The following ACADVL variants were observed in gnomAD, a reference collection of about 807,000 sequenced individuals.
ACADVL encodes the protein very long-chain acyl-CoA dehydrogenase, mitochondrial.
A neutral mutation model predicts 80.4 loss-of-function variants in ACADVL; 73 were observed. The observed-to-expected ratio is 0.91, with a 90% CI of 0.75 to 1.10. ACADVL has a LOEUF of 1.10. Among genes scored for constraint, ACADVL ranks in the 50% least tolerant of loss-of-function variants. ACADVL has a pLI of 0.00. For missense variants in ACADVL, 878 were observed against 858.9 expected (o/e 1.02, Z -0.28); for synonymous variants, 392 against 326.5 (o/e 1.20, Z -2.16).
In ACADVL at chr17:7,220,492, CCTCTGACG is replaced by C. The variant is rs1354996048; in HGVS notation, c.175_182del (p.Ala59GlnfsTer10). On this transcript the variant is annotated frameshift_variant, in exon 3 of 20. Transcript: ENST00000356839. LOFTEE classifies it high-confidence loss of function. ...GCTCTGGACAAGTCAGATTCCCACCCCTCTGACGCTCTGACCAGGAAAAAACCGGCCAA... is the reference window on the plus strand; with the variant it reads ...GCTCTGGACAAGTCAGATTCCCACCCCTCTGACCAGGAAAAAACCGGCCAA... The C allele has an allele frequency of 2.5e-6, 4 of 1,614,232 alleles. No individual in the cohort carries two copies. The highest frequency in any genetic ancestry group is 1.7e-5 in the Admixed American group (1 of 60,036).
chr17:7,218,919 T>G, upstream of ACADVL: 1 of 1,564,842 alleles, frequency 6.4e-7, no homozygotes, highest in Admixed American at 1.7e-5. Flanking sequence ...CCCCACTAAA[T>G]TCCAGCTGTG....
Position 7,223,840 on chromosome 17 carries a change from T to C in ACADVL, c.1297T>C (p.Cys433Arg), listed in dbSNP as rs886053374. 1.2e-6 allele frequency: 2 copies of C among 1,614,118 alleles called. No homozygotes were observed. Among genetic ancestry groups the C allele is most frequent in the Non-Finnish European group, 8.5e-7 (1 of 1,180,032 alleles). The change falls in exon 13 of 20, where the codon TGC becomes CGC. Residue 433 changes from cysteine to arginine, a missense_variant. Coordinates refer to ENST00000356839, the MANE Select transcript of ACADVL (RefSeq NM_000018.4). ...GGCAGCCTGGAAGGTGACAGATGAATGCATCCAAATCATGGGGGGTATGGG... is the reference window on the plus strand; with the variant it reads ...GGCAGCCTGGAAGGTGACAGATGAACGCATCCAAATCATGGGGGGTATGGG... The part of the protein sequence containing the change: ...SEAAWKVTDE[C>R]IQIMGGMGFM...
upstream of ACADVL, chr17:7,218,774 C>G: frequency 6.2e-7 from 1 of 1,606,460 alleles, no homozygotes; most frequent in South Asian, 1.1e-5. Context: ...GATCTCCGAG[C>G]CCCAGCCCCC....
At chr17:7,221,902 G>A (rs533531053) in intron 7 of ACADVL, 50 bp from the exon 8 acceptor site, 13 of 1,613,710 alleles carry the variant, frequency 8.1e-6, no homozygotes, top group African/African-American at 6.7e-5. Flanking sequence ...GGGCCGAGGG[G>A]ACTTTGAAGC....
rs375093681 is a variant in ACADVL, at chr17:7,220,968, G to A, written c.387G>A (p.Glu129=). The part of the protein sequence containing the change: ...PAKNDALEMV[E]ETTWQGLKEL... ...AGAATGACGCTCTGGAGATGGTGGA[G>A]GAGACCACTTGGCAGGGCCTCAAGG... Residue 129 remains glutamate, a synonymous_variant, in exon 6 of 20, where the codon GAG becomes GAA. Transcript: ENST00000356839. 4 of 1,614,136 alleles carry A rather than the reference G, an allele frequency of 2.5e-6. No homozygotes were observed. Among genetic ancestry groups the A allele is most frequent in the Non-Finnish European group, 2.5e-6 (3 of 1,180,036 alleles).
chr17:7,223,132 G>C lies in ACADVL; in HGVS notation c.1078-1G>C. 6.2e-7 allele frequency: 1 copy of C among 1,612,082 alleles called. No individual in the cohort carries two copies. Among genetic ancestry groups the C allele is most frequent in the Middle Eastern group, 1.7e-4 (1 of 6,018 alleles). ...AGCGGGATGTGTGGACCCTCTTCCA[G>C]GTAGATCATGCCACTAATCGTACCC... On this transcript the variant is annotated splice_acceptor_variant, in intron 10 of 19. Coordinates refer to ENST00000356839, the MANE Select transcript of ACADVL (RefSeq NM_000018.4). LOFTEE classifies it high-confidence loss of function.
chr17:7,224,544 G>A lies in ACADVL; in HGVS notation c.1670G>A (p.Gly557Glu), dbSNP rs773842959. The A allele has an allele frequency of 1.9e-6, 3 of 1,611,892 alleles. 1 individual carries two copies. Among genetic ancestry groups the A allele is most frequent in the Non-Finnish European group, 2.5e-6 (3 of 1,179,962 alleles). ...VEAKLIKHKK[G>E]IVNEQFLLQR... Reference sequence around the variant, plus strand: ...GCCAAGCTGATAAAACACAAGAAGGGGATTGTCAGTAAGTGAGCTCTACAC... The same window carrying A: ...GCCAAGCTGATAAAACACAAGAAGGAGATTGTCAGTAAGTGAGCTCTACAC... Residue 557 changes from glycine to glutamate, a missense_variant, in exon 17 of 20, where the codon GGG becomes GAG. Physicochemically the swap from Gly to Glu is moderately conservative, Grantham distance 98. Coordinates refer to ENST00000356839, the MANE Select transcript of ACADVL (RefSeq NM_000018.4).
Position 7,221,103 on chromosome 17 carries a change from T to C in ACADVL, c.477+45T>C, listed in dbSNP as rs1300778593. ...ACATCCCAGTATGCCATACCCCAGC[T>C]TGGCAGACTCAGCTCTTTTGCCATA... On this transcript the variant is annotated intron_variant, in intron 6 of 19. Coordinates refer to ENST00000356839, the MANE Select transcript of ACADVL (RefSeq NM_000018.4). 4 of 1,611,676 alleles carry C rather than the reference T, an allele frequency of 2.5e-6. No homozygotes were observed. In the South Asian group the frequency reaches 4.4e-5, roughly 18 times the overall value.
At chr17:7,217,198 G>A, upstream of ACADVL, 1 of 1,266,606 alleles carries the variant, frequency 7.9e-7, no homozygotes, top group African/African-American at 1.6e-5. Context: ...CTTCATCGGA[G>A]TTTCGTTCCT....
rs1427232700 is a variant in ACADVL at position 7,220,002 on chromosome 17, G to A, written c.18G>A (p.Met6Ile). ...ATTCGGAGATGCAGGCGGCTCGGAT[G>A]GCCGCGAGCTTGGGGCGGCAGCTGC... MQAARMAASLGRQLLR... is the reference protein window; with the variant it reads MQAARIAASLGRQLLR... Residue 6 changes from methionine (M) to isoleucine (I), a missense_variant, in exon 1 of 20, where the codon ATG (methionine) becomes ATA (isoleucine). Coordinates refer to ENST00000356839, the MANE Select transcript of ACADVL (RefSeq NM_000018.4). 6.2e-7 allele frequency: 1 copy of A among 1,604,204 alleles called. No individual in the cohort carries two copies. The highest frequency in any genetic ancestry group is 8.5e-7 in the Non-Finnish European group (1 of 1,178,524).
At chr17:7,222,438 T>C in intron 9 of ACADVL, 136 bp downstream of exon 9, 2 of 1,360,206 alleles carry the variant, frequency 1.5e-6, no homozygotes, top group Non-Finnish European at 2.0e-6. Flanking sequence ...TTGGGACTAA[T>C]ATGTATGCAA....
At chr17:7,221,353 G>A (rs1437265331) in intron 6 of ACADVL, 185 bp from the exon 7 acceptor site, 2 of 1,094,382 alleles carry the variant, frequency 1.8e-6, no homozygotes, top group Admixed American at 3.9e-5. Flanking sequence ...AGACAGACCA[G>A]CATTCTCTGC....
Position 7,221,071 on chromosome 17 carries a change from TATC to T in ACADVL, c.477+14_477+16del, listed in dbSNP as rs767953226. 3 of 1,612,908 alleles carry T rather than the reference TATC, an allele frequency of 1.9e-6. No homozygotes were observed. The Admixed American group carries it at 5.0e-5, about 27-fold the overall frequency. On this transcript the variant is annotated intron_variant, in intron 6 of 19. Coordinates refer to ENST00000356839, the MANE Select transcript of ACADVL (RefSeq NM_000018.4). ...TTGCAACACCCAGGTGAGGGCGCCC[TATC>T]GCCACATCCCAGTATGCCATACCCC...
upstream of ACADVL, chr17:7,217,341 A>G (rs1597506410): frequency 5.3e-6 from 1 of 187,134 alleles, no homozygotes. Context: ...AGGGAGGGGA[A>G]GGGGGCCCTA....
chr17:7,224,948 T>TCTC lies in ACADVL; in HGVS notation c.1828-7_1828-5dup, dbSNP rs780975067. On this transcript the variant is annotated splice_polypyrimidine_tract_variant and intron_variant, in intron 19 of 19. Coordinates refer to ENST00000356839, the MANE Select transcript of ACADVL (RefSeq NM_000018.4). ...GGTGCAGGCCCAACCCCTCCTTCCCTCTCCCCAGGCTGCAGCTCGGATCCG... is the reference window on the plus strand; with the variant it reads ...GGTGCAGGCCCAACCCCTCCTTCCCTCTCCTCCCCAGGCTGCAGCTCGGATCCG... 4.3e-6 allele frequency: 7 copies of TCTC among 1,613,820 alleles called. No homozygotes were observed. Among genetic ancestry groups the TCTC allele is most frequent in the Non-Finnish European group, 5.9e-6 (7 of 1,179,974 alleles).
chr17:7,218,593 C>T (rs1288061612), upstream of ACADVL: 2 of 1,566,586 alleles, frequency 1.3e-6, no homozygotes, highest in Non-Finnish European at 1.7e-6. Flanking sequence ...GTGGGGGTGC[C>T]CACCGCAGCA....
rs749159573 is a variant in ACADVL at position 7,222,080 on chromosome 17, A to G, written c.751A>G (p.Ser251Gly). The change falls in exon 8 of 20, where the codon AGT (serine) becomes GGT (glycine). Residue 251 changes from serine to glycine, a missense_variant and splice_region_variant. Ser to Gly is a moderately conservative substitution (Grantham distance 56). Transcript: ENST00000356839. Reference protein sequence around the residue: ...YTLNGSKLWISNGGLADIFTV... With the variant: ...YTLNGSKLWIGNGGLADIFTV... ...CCTCAATGGAAGCAAGCTTTGGATC[A>G]GGCAACCTGCCTCCCATTTCTCCCC... 6.8e-6 allele frequency: 11 copies of G among 1,614,150 alleles called. No individual in the cohort carries two copies. Among genetic ancestry groups the G allele is most frequent in the African/African-American group, 1.3e-5 (1 of 75,044 alleles).
chr17:7,220,724 CT>C, intron 4 of ACADVL, 41 bp from the exon 5 acceptor site: 1 of 1,614,204 alleles, frequency 6.2e-7, no homozygotes, highest in Non-Finnish European at 8.5e-7. Flanking sequence ...GTGGTTTCCC[CT>C]GCCAGCCTGG....
chr17:7,218,959 G>A (rs964378510), upstream of ACADVL: 1 of 1,187,480 alleles, frequency 8.4e-7, no homozygotes, highest in African/African-American at 1.5e-5. Flanking sequence ...GAGCCGACCA[G>A]CTGTCCCATT....
Sources: gnomAD v4.1 joint callset for allele counts on GRCh38, gnomAD v4.1.1 for gene constraint, MANE v1.5 for transcripts, NCBI Gene and HGNC (gene_info 2026-07-23, HGNC 2026-07-21) for gene names.